TMEM45B: variants seen among roughly 807,000 people sequenced by gnomAD.
TMEM45B encodes the protein transmembrane protein 45B.
In TMEM45B, 29 loss-of-function variants were observed where a neutral mutation model predicts 27.3. The observed-to-expected ratio is 1.06, with a 90% confidence interval of 0.79 to 1.45. The LOEUF is 1.45. TMEM45B is among the 40% of genes most tolerant of loss of function. The probability of loss-of-function intolerance (pLI) is 0.00; values close to 1 mark genes in which losing one functional copy is unlikely to be tolerated. For missense variants in TMEM45B, 348 were observed against 343.9 expected, an observed-to-expected ratio of 1.01 and a Z score of -0.09; for synonymous variants, 143 against 134.7, an observed-to-expected ratio of 1.06 and a Z score of -0.43.
intron 1 of TMEM45B, among the ~76,000 whole-genome samples, chr11:129,835,395 C>T (rs887124352): frequency 1.3e-5 from 2 of 152,248 alleles, no homozygotes; most frequent in East Asian, 1.9e-4. Flanking sequence ...ATGGCCTCAC[C>T]CCCTGTGGAT....
intron 1 of TMEM45B, among the ~76,000 whole-genome samples, chr11:129,824,195 C>A (rs1453623826): frequency 2.6e-5 from 4 of 152,176 alleles, no homozygotes; most frequent in African/African-American, 9.7e-5. Context: ...AGAACAGTAA[C>A]TAAACTACAG....
At chr11:129,849,279 G>A (rs759671972) in intron 1 of TMEM45B, among the ~76,000 whole-genome samples, 1 of 152,320 alleles carries the variant, frequency 6.6e-6, no homozygotes, top group Middle Eastern at 3.4e-3. Context: ...TGGCGTGACA[G>A]GCACAGGACA....
intron 1 of TMEM45B, among the ~76,000 whole-genome samples, chr11:129,824,899 G>T (rs2135555413): frequency 6.6e-6 from 1 of 152,304 alleles, no homozygotes; most frequent in East Asian, 1.9e-4. Context: ...TAAGAGGAAT[G>T]AAAAGGACGT....
chr11:129,845,460 C>G (rs1947748912), intron 1 of TMEM45B, among the ~76,000 whole-genome samples: 1 of 151,378 alleles, frequency 6.6e-6, no homozygotes, highest in South Asian at 2.1e-4. Flanking sequence ...TAAAATAGAC[C>G]ATGGTAACTT....
At chr11:129,816,859 T>A (rs2135545270) in intron 1 of TMEM45B, among the ~76,000 whole-genome samples, 1 of 144,572 alleles carries the variant, frequency 6.9e-6, no homozygotes, top group South Asian at 2.3e-4. Flanking sequence ...TGCCTCAGCC[T>A]CCCGAGTAGC....
At position 129,858,721 on chromosome 11, in the gene TMEM45B, A is replaced by G; in HGVS notation, c.*36A>G. The G allele has an allele frequency of 1.4e-6, 2 of 1,455,198 alleles. No homozygotes were observed. Among genetic ancestry groups the G allele is most frequent in the Non-Finnish European group, 1.9e-6 (2 of 1,061,740 alleles). 90.1% of individuals were successfully genotyped at this position (1,455,198 alleles called of 1,614,324 possible). On this transcript the variant is annotated 3_prime_UTR_variant, in exon 6 of 6. Coordinates refer to ENST00000281441, the MANE Select transcript of TMEM45B (RefSeq NM_138788.5). ...GGAGGGCGCAGATGTCCCACTGCAC[A>G]GCTGGAATGAATGGAGTTCATCCCC... is the stretch of plus-strand genomic sequence containing the variant.
chr11:129,855,645 G>A, intron 3 of TMEM45B, 63 bp from the exon 4 acceptor site: 2 of 1,582,970 alleles, frequency 1.3e-6, no homozygotes, highest in South Asian at 1.1e-5. Flanking sequence ...AGGTGTAGGA[G>A]GAAACTTCGG....
intron 1 of TMEM45B, among the ~76,000 whole-genome samples, chr11:129,851,342 G>A (rs918728710): frequency 5.3e-5 from 8 of 151,572 alleles, no homozygotes; most frequent in Non-Finnish European, 5.9e-5. Context: ...TCAGGAGTTC[G>A]AGAAAAGCCT....
Position 129,855,803 on chromosome 11 carries a change from A to G in TMEM45B, c.481A>G (p.Ile161Val), listed in dbSNP as rs2135608431. The G allele has an allele frequency of 6.2e-7, 1 of 1,614,092 alleles. No individual in the cohort carries two copies. The highest frequency in any genetic ancestry group is 8.5e-7 in the Non-Finnish European group (1 of 1,180,016). ...TGCTCTGTTCGGAGGGTGTGTTAGT[A>G]TCTCCCTAGAGGTGATCTTCCGGGA... ...LYALFGGCVS[I>V]SLEVIFRDHI... The change falls in exon 4 of 6, where the codon ATC becomes GTC. Residue 161 changes from isoleucine to valine, a missense_variant. Coordinates refer to ENST00000281441, the MANE Select transcript of TMEM45B (RefSeq NM_138788.5).
At position 129,852,521 on chromosome 11, in the gene TMEM45B, C is replaced by A. The variant is rs533586453; in HGVS notation, c.39C>A (p.Phe13Leu). The A allele has an allele frequency of 3.1e-6, 5 of 1,610,428 alleles. No individual in the cohort carries two copies. The East Asian group carries it at 6.7e-5, about 22-fold the overall frequency. ...NFKGHALPGS[F>L]FLIIGLCWSV... is the part of the protein sequence containing the mutation. ...AGGGCCACGCGCTTCCAGGGAGTTT[C>A]TTCCTGATCATTGGGCTGTGTTGGT... is the stretch of plus-strand genomic sequence containing the variant. Residue 13 changes from phenylalanine to leucine, a missense_variant, in exon 2 of 6, where the codon TTC becomes TTA. Coordinates refer to ENST00000281441, the MANE Select transcript of TMEM45B (RefSeq NM_138788.5).
At chr11:129,837,842 C>G (rs528527861) in intron 1 of TMEM45B, among the ~76,000 whole-genome samples, 51 of 128,750 alleles carry the variant, frequency 4.0e-4, no homozygotes, top group Non-Finnish European at 7.6e-4. Context: ...AGTGCAGTGG[C>G]TCAATCTCAG....
chr11:129,834,548 C>T (rs181427294), intron 1 of TMEM45B, among the ~76,000 whole-genome samples: 27 of 152,226 alleles, frequency 1.8e-4, no homozygotes, highest in African/African-American at 5.5e-4. Flanking sequence ...CCATGGCTCA[C>T]GCCGGTAGTC....
intron 2 of TMEM45B, among the ~76,000 whole-genome samples, chr11:129,854,048 G>A (rs1266880236): frequency 6.6e-6 from 1 of 152,198 alleles, no homozygotes; most frequent in Non-Finnish European, 1.5e-5. Flanking sequence ...ACAGCTGGGA[G>A]GGGCGCAGGG....
At chr11:129,840,695 C>G (rs1591442947) in intron 1 of TMEM45B, among the ~76,000 whole-genome samples, 2 of 151,872 alleles carry the variant, frequency 1.3e-5, no homozygotes, top group Non-Finnish European at 2.9e-5. Flanking sequence ...TCAGCCTGAC[C>G]AACATGGTGA....
At chr11:129,848,461 C>T (rs755748929) in intron 1 of TMEM45B, among the ~76,000 whole-genome samples, 32 of 152,318 alleles carry the variant, frequency 2.1e-4, no homozygotes, top group Non-Finnish European at 4.1e-4. Flanking sequence ...GAGATGGCAG[C>T]AGCACAGTCC....
At chr11:129,848,385 G>A (rs549928920) in intron 1 of TMEM45B, among the ~76,000 whole-genome samples, 1 of 151,888 alleles carries the variant, frequency 6.6e-6, no homozygotes, top group Non-Finnish European at 1.5e-5. Context: ...TGGCGGCGCG[G>A]GCCTGCAATC....
At chr11:129,850,234 G>C (rs1162603149) in intron 1 of TMEM45B, 1 of 151,776 alleles carries the variant, frequency 6.6e-6, no homozygotes, top group African/African-American at 2.4e-5. Flanking sequence ...GCGCGATCTC[G>C]GCTCACTGCA....
chr11:129,833,934 A>C (rs1176446998), intron 1 of TMEM45B, among the ~76,000 whole-genome samples: 1 of 152,220 alleles, frequency 6.6e-6, no homozygotes, highest in Non-Finnish European at 1.5e-5. Context: ...GAACTGTTAG[A>C]AGATAAATGG....
At chr11:129,853,901 G>C (rs1947883832) in intron 2 of TMEM45B, among the ~76,000 whole-genome samples, 1 of 152,230 alleles carries the variant, frequency 6.6e-6, no homozygotes, top group African/African-American at 2.4e-5. Context: ...CAGGCATAAA[G>C]ACAAATCTTT....
Sources: gnomAD v4.1 joint callset for allele counts (sites outside exome capture counted in the v4.1 genomes callset) on GRCh38, gnomAD v4.1.1 for gene constraint, MANE v1.5 for transcripts, NCBI Gene and HGNC (gene_info 2026-07-23, HGNC 2026-07-21) for gene names.